Variants in SLC25A21 observed in about 807,000 individuals in gnomAD.
SLC25A21 encodes solute carrier family 25 member 21, also known as mitochondrial 2-oxodicarboxylate carrier.
A neutral mutation model predicts 43.8 loss-of-function variants in SLC25A21; 47 were observed. That is an observed-to-expected ratio of 1.07 (90% CI 0.85 to 1.37). The LOEUF (loss-of-function observed/expected upper bound fraction) is 1.37, where lower values mean the gene tolerates loss of function less well. SLC25A21 is among the 40% of genes most tolerant of loss of function. SLC25A21 has a pLI of 0.00. For synonymous variants in SLC25A21, 131 were observed against 121.3 expected (o/e 1.08, Z -0.52); for missense variants, 352 against 350.2 (o/e 1.00, Z -0.04).
chr14:36,979,572 T>C (rs180754731), intron 1 of SLC25A21, among the ~76,000 whole-genome samples: 39 of 152,314 alleles, frequency 2.6e-4, no homozygotes, highest in African/African-American at 8.9e-4. Context: ...GCCAGGCTGG[T>C]CTCGAACTAC....
chr14:36,713,034 T>C (rs34440335), intron 6 of SLC25A21, among the ~76,000 whole-genome samples: 44,666 of 151,870 alleles, frequency 0.29, 6,936 homozygotes, highest in South Asian at 0.38. Context: ...GCAGCTTTCC[T>C]GGGGGTGGGA....
At chr14:37,021,537 A>G (rs1352396665) in intron 1 of SLC25A21, among the ~76,000 whole-genome samples, 2 of 151,924 alleles carry the variant, frequency 1.3e-5, no homozygotes, top group African/African-American at 4.8e-5. Context: ...CAACTCTGCT[A>G]TGTAATGTCT....
chr14:37,117,500 A>G (rs1963126553), intron 1 of SLC25A21, among the ~76,000 whole-genome samples: 1 of 152,188 alleles, frequency 6.6e-6, no homozygotes, highest in Admixed American at 6.6e-5. Context: ...AGTTTTTTCT[A>G]TACATCCCTT....
intron 3 of SLC25A21, among the ~76,000 whole-genome samples, chr14:36,745,909 A>T (rs1885477419): frequency 6.6e-6 from 1 of 152,240 alleles, no homozygotes; most frequent in South Asian, 2.1e-4. Flanking sequence ...ATGAGATATC[A>T]TCACCTTACA....
At chr14:36,698,977 C>A (rs931440579) in intron 7 of SLC25A21, among the ~76,000 whole-genome samples, 3 of 152,120 alleles carry the variant, frequency 2.0e-5, no homozygotes, top group East Asian at 3.9e-4. Context: ...CAAGGAGCTG[C>A]GATCTTTTGG....
chr14:37,030,697 G>A lies in SLC25A21; in HGVS notation c.70+141584C>T, dbSNP rs530122864. 9.2e-5 allele frequency among the ~76,000 whole-genome samples: 14 copies of A among 152,248 alleles called. 1 individual carries two copies. In the South Asian group the frequency reaches 2.9e-3, roughly 32 times the overall value. On this transcript the variant is annotated intron_variant, in intron 1 of 9. Transcript: ENST00000331299. The stretch of plus-strand genomic sequence containing the variant: ...TGTAAAAGGTTATGTTTGTGACCTA[G>A]CATTCAGCTTCAGAAAGAACACACT...
chr14:36,716,540 T>C (rs1009935603), intron 6 of SLC25A21, among the ~76,000 whole-genome samples: 1 of 152,184 alleles, frequency 6.6e-6, no homozygotes, highest in Non-Finnish European at 1.5e-5. Flanking sequence ...TAATAAAATA[T>C]ATTTTAAAAT....
At chr14:36,776,460 G>T (rs1283398610) in intron 3 of SLC25A21, among the ~76,000 whole-genome samples, 2 of 151,408 alleles carry the variant, frequency 1.3e-5, no homozygotes, top group Non-Finnish European at 2.9e-5. Context: ...GGATGGTCTC[G>T]ATTTCCTGAG....
At chr14:36,749,233 C>T (rs180841551) in intron 3 of SLC25A21, among the ~76,000 whole-genome samples, 20 of 152,148 alleles carry the variant, frequency 1.3e-4, no homozygotes, top group Non-Finnish European at 1.9e-4. Flanking sequence ...GCCTGATTCG[C>T]GAATCGTTCT....
At position 36,844,731 on chromosome 14, in the gene SLC25A21, C is replaced by T. The variant is rs186015240; in HGVS notation, c.119+30225G>A. On this transcript the variant is annotated intron_variant, in intron 2 of 9. Coordinates refer to ENST00000331299, the MANE Select transcript of SLC25A21 (RefSeq NM_030631.4). ...TCCAGGTTAATGAAAAGCTTCAGCA[C>T]CATTCGAAAATCTGGACAGAGGGTC... Among the ~76,000 whole-genome samples, 465 of 152,286 alleles carry T rather than the reference C, an allele frequency of 3.1e-3. 4 individuals carry two copies. Among genetic ancestry groups the T allele is most frequent in the African/African-American group, 0.011 (446 of 41,550 alleles).
intron 1 of SLC25A21, among the ~76,000 whole-genome samples, chr14:37,136,673 T>C (rs994217055): frequency 1.3e-5 from 2 of 152,084 alleles, no homozygotes; most frequent in African/African-American, 4.8e-5. Context: ...AATAGTTGAA[T>C]GGATACAAAA....
intron 1 of SLC25A21, among the ~76,000 whole-genome samples, chr14:37,134,566 G>C (rs1473744983): frequency 6.6e-6 from 1 of 150,874 alleles, no homozygotes; most frequent in African/African-American, 2.4e-5. Context: ...AACAGCTTGA[G>C]CCCAGGAGGT....
chr14:36,771,956 T>C (rs848118), intron 3 of SLC25A21, among the ~76,000 whole-genome samples: 24,011 of 152,118 alleles, frequency 0.16, 2,182 homozygotes, highest in Middle Eastern at 0.25. Context: ...TGTCTGATAA[T>C]TGCTGATGAC....
chr14:36,838,210 G>A (rs1889272891), intron 2 of SLC25A21, among the ~76,000 whole-genome samples: 1 of 152,170 alleles, frequency 6.6e-6, no homozygotes. Context: ...TCCTCGGTGT[G>A]AGGATACGGG....
intron 1 of SLC25A21, among the ~76,000 whole-genome samples, chr14:37,134,355 G>C (rs1963441129): frequency 1.3e-5 from 2 of 152,136 alleles, no homozygotes; most frequent in Admixed American, 1.3e-4. Flanking sequence ...AATTAAGAGA[G>C]CCTCTAAGTA....
intron 3 of SLC25A21, among the ~76,000 whole-genome samples, chr14:36,790,892 C>T (rs2138399814): frequency 6.6e-6 from 1 of 152,208 alleles, no homozygotes; most frequent in South Asian, 2.1e-4. Context: ...ATCTCTATTA[C>T]ATTTTCCAAA....
rs1340656021 is a variant in SLC25A21 at position 36,838,370 on chromosome 14, C to T, written c.120-24369G>A. Reference sequence around the variant, plus strand: ...CTCAAACACCAGTGCTGGCAGCTACCTAGTCCTATTGGGGTCTTTGTGAAG... The same window carrying T: ...CTCAAACACCAGTGCTGGCAGCTACTTAGTCCTATTGGGGTCTTTGTGAAG... On this transcript the variant is annotated intron_variant, in intron 2 of 9. Coordinates refer to ENST00000331299, the MANE Select transcript of SLC25A21 (RefSeq NM_030631.4). Among the ~76,000 whole-genome samples the T allele has an allele frequency of 3.9e-5, 6 of 152,210 alleles. 1 individual carries two copies. The highest frequency in any genetic ancestry group is 3.9e-4 in the Admixed American group (6 of 15,282).
intron 6 of SLC25A21, 134 bp from the exon 7 acceptor site, chr14:36,711,616 A>C: frequency 1.0e-6 from 1 of 962,720 alleles, no homozygotes; most frequent in Admixed American, 3.5e-5. Context: ...TCATGCCTAG[A>C]ACTGTGTTTT....
chr14:37,151,019 TTC>T (rs367625540), intron 1 of SLC25A21, among the ~76,000 whole-genome samples: 85 of 150,268 alleles, frequency 5.7e-4, no homozygotes, highest in African/African-American at 1.7e-3. Flanking sequence ...CATTGGTAGG[TTC>T]TCTCTCTCTC....
Sources: allele counts gnomAD v4.1 joint callset (sites outside exome capture counted in the v4.1 genomes callset), GRCh38; gene constraint gnomAD v4.1.1; transcripts MANE v1.5; gene names NCBI Gene and HGNC (gene_info 2026-07-23, HGNC 2026-07-21).